STXBP5L: variants seen among roughly 807,000 people sequenced by gnomAD.
STXBP5L encodes syntaxin binding protein 5L, also known as syntaxin-binding protein 5-like.
A neutral mutation model predicts 144.5 loss-of-function variants in STXBP5L; 65 were observed. The ratio of observed to expected loss-of-function variants is 0.45; its 90% CI spans 0.37 to 0.55. The LOEUF is 0.55. Among genes scored for constraint, STXBP5L ranks in the 20% least tolerant of loss-of-function variants. The pLI is 0.00. For missense variants in STXBP5L, 1,298 were observed against 1,405.5 expected (o/e 0.92, Z 1.22); for synonymous variants, 505 against 469.6 (o/e 1.08, Z -0.97).
At chr3:121,031,921 G>A (rs1308626536) in intron 3 of STXBP5L, among the ~76,000 whole-genome samples, 1 of 152,106 alleles carries the variant, frequency 6.6e-6, no homozygotes, top group Non-Finnish European at 1.5e-5. Flanking sequence ...GGAAGGTTTT[G>A]CCACTCACTG....
chr3:121,060,475 A>G (rs138553410), intron 5 of STXBP5L, among the ~76,000 whole-genome samples: 1 of 151,710 alleles, frequency 6.6e-6, no homozygotes, highest in South Asian at 2.1e-4. Context: ...GTCAGGATGA[A>G]GCTGGCCTCA....
Position 121,102,201 on chromosome 3 carries a change from GA to G in STXBP5L, c.471-12717del, listed in dbSNP as rs529650159. 9.3e-4 allele frequency among the ~76,000 whole-genome samples: 141 copies of G among 152,076 alleles called. 1 individual carries two copies. The highest frequency in any genetic ancestry group is 3.2e-3 in the African/African-American group (131 of 41,536). On this transcript the variant is annotated intron_variant, in intron 5 of 26. Transcript: ENST00000471454. ...ACCAGAGTCATTCTTTACAGAATTA[GA>G]AAAAAACTATTATAAATTCATGTGG...
In STXBP5L at chr3:121,121,658, C is replaced by T; in HGVS notation, c.623C>T (p.Pro208Leu). 6.2e-7 allele frequency: 1 copy of T among 1,604,476 alleles called. No individual in the cohort carries two copies. The highest frequency in any genetic ancestry group is 8.5e-7 in the Non-Finnish European group (1 of 1,173,150). ...TTTAACAGATCCACTAAGACTCATC[C>T]AGGTCCAGTTGTACATTTAAGCGAT... ...KAIELSTKTHPGPVVHLSDSP... is the reference protein window; with the variant it reads ...KAIELSTKTHLGPVVHLSDSP... Residue 208 changes from proline to leucine, a missense_variant, in exon 7 of 27, where the codon CCA (proline) becomes CTA (leucine). Pro to Leu is a moderately conservative substitution (Grantham distance 98). Transcript: ENST00000471454.
chr3:120,952,965 A>AT lies in STXBP5L; in HGVS notation c.190-1964dup, dbSNP rs956682815. 9.0e-3 allele frequency among the ~76,000 whole-genome samples: 1,326 copies of AT among 148,106 alleles called. 15 individuals are homozygous for AT. The highest frequency in any genetic ancestry group is 0.029 in the African/African-American group (1,170 of 40,462). ...AGGCATGCACCACCATGCCCAGCTA[A>AT]TTTTTTTTTTTCTTAATAGAGACAA... On this transcript the variant is annotated intron_variant, in intron 2 of 26. Transcript: ENST00000471454.
intron 6 of STXBP5L, among the ~76,000 whole-genome samples, chr3:121,121,189 A>T (rs2044444149): frequency 6.6e-6 from 1 of 151,280 alleles, no homozygotes; most frequent in Admixed American, 6.6e-5. Context: ...GTGCCACTGT[A>T]CTTTTCTTTA....
chr3:121,353,242 G>A (rs1048791729), intron 20 of STXBP5L, among the ~76,000 whole-genome samples: 1 of 152,162 alleles, frequency 6.6e-6, no homozygotes, highest in Non-Finnish European at 1.5e-5. Flanking sequence ...GATTGGAATA[G>A]TTTCAGAGGG....
intron 19 of STXBP5L, among the ~76,000 whole-genome samples, chr3:121,294,738 G>T (rs1349279701): frequency 6.6e-6 from 1 of 151,960 alleles, no homozygotes; most frequent in African/African-American, 2.4e-5. Flanking sequence ...AAGAGGAGTT[G>T]CCAGGGAGAA....
Position 120,967,420 on chromosome 3 carries a change from G to A in STXBP5L, c.287+12383G>A, listed in dbSNP as rs1173162732. On this transcript the variant is annotated intron_variant, in intron 3 of 26. Coordinates refer to ENST00000471454, the MANE Select transcript of STXBP5L (RefSeq NM_001308330.2). ...CTGCAGACTGGAGTTGTTCCTATTC[G>A]GCCATCTTCAGTTGTGTGATTTTCT... Among the ~76,000 whole-genome samples, 13 of 152,220 alleles carry A rather than the reference G, an allele frequency of 8.5e-5. 2 individuals are homozygous for A. The South Asian group carries it at 1.9e-3, about 22-fold the overall frequency.
intron 3 of STXBP5L, among the ~76,000 whole-genome samples, chr3:121,034,552 C>A (rs1946621457): frequency 6.7e-6 from 1 of 149,030 alleles, no homozygotes; most frequent in Non-Finnish European, 1.5e-5. Context: ...TATCATCTAT[C>A]TATCCATCCA....
chr3:121,394,321 G>A (rs1161765613), intron 22 of STXBP5L, among the ~76,000 whole-genome samples: 1 of 151,918 alleles, frequency 6.6e-6, no homozygotes, highest in Non-Finnish European at 1.5e-5. Context: ...GTCTTTTGAA[G>A]GAGTCTTTAG....
chr3:121,254,848 A>C, intron 15 of STXBP5L, 47 bp from the exon 16 acceptor site: 2 of 1,452,346 alleles, frequency 1.4e-6, no homozygotes, highest in Non-Finnish European at 1.9e-6. Context: ...ATAACATCTA[A>C]GAATTAAGTT....
intron 20 of STXBP5L, chr3:121,356,909 T>G (rs552523339): frequency 6.5e-6 from 1 of 154,676 alleles, no homozygotes; most frequent in Non-Finnish European, 1.4e-5. Flanking sequence ...TTCAAGGGAC[T>G]GGTCAGTCTT....
chr3:121,298,315 G>A (rs2051741566), intron 19 of STXBP5L, among the ~76,000 whole-genome samples: 1 of 152,102 alleles, frequency 6.6e-6, no homozygotes, highest in Non-Finnish European at 1.5e-5. Context: ...CACAATACGT[G>A]ACAATAAATT....
chr3:121,327,545 T>C (rs1477960007), intron 20 of STXBP5L, among the ~76,000 whole-genome samples: 1 of 152,210 alleles, frequency 6.6e-6, no homozygotes. Context: ...TCTCATGCTA[T>C]ACCACTTAAC....
Position 121,313,325 on chromosome 3 carries a change from C to T in STXBP5L, c.2111-5150C>T, listed in dbSNP as rs1173616514. On this transcript the variant is annotated intron_variant, in intron 19 of 26. Coordinates refer to ENST00000471454, the MANE Select transcript of STXBP5L (RefSeq NM_001308330.2). ...GGCGCCCCTCACCTCCTGGACGGGG[C>T]GGCTGGCCGGGCGGGGGGCTGACCC... Among the ~76,000 whole-genome samples the T allele has an allele frequency of 1.5e-3, 211 of 138,700 alleles. 2 individuals carry two copies. The highest frequency in any genetic ancestry group is 4.4e-3 in the African/African-American group (161 of 36,286). 91.0% of individuals were successfully genotyped at this position (138,700 alleles called of 152,430 possible).
chr3:121,078,031 T>C (rs2042095017), intron 5 of STXBP5L, among the ~76,000 whole-genome samples: 1 of 152,062 alleles, frequency 6.6e-6, no homozygotes, highest in Admixed American at 6.5e-5. Context: ...GGGTGCTGAT[T>C]GGTGTGTTCA....
intron 20 of STXBP5L, among the ~76,000 whole-genome samples, chr3:121,378,431 T>C (rs2046245358): frequency 6.6e-6 from 1 of 152,210 alleles, no homozygotes; most frequent in South Asian, 2.1e-4. Flanking sequence ...AGTTTAATAC[T>C]ATAATGACAG....
At chr3:121,323,743 G>T (rs1294460201) in intron 20 of STXBP5L, among the ~76,000 whole-genome samples, 1 of 127,368 alleles carries the variant, frequency 7.9e-6, no homozygotes, top group East Asian at 3.0e-4. Flanking sequence ...TTTTTTAAAG[G>T]CTGTACAACC....
chr3:121,230,897 G>A (rs2049285860), intron 11 of STXBP5L, among the ~76,000 whole-genome samples: 2 of 152,120 alleles, frequency 1.3e-5, no homozygotes, highest in South Asian at 2.1e-4. Context: ...CGGGCGGACC[G>A]GCAGGAAGAG....
Sources: gnomAD v4.1 joint callset for allele counts (sites outside exome capture counted in the v4.1 genomes callset) on GRCh38, gnomAD v4.1.1 for gene constraint, MANE v1.5 for transcripts, NCBI Gene and HGNC (gene_info 2026-07-23, HGNC 2026-07-21) for gene names.